The following PIK3C2B variants were observed in gnomAD, a reference collection of about 807,000 sequenced individuals.
The protein encoded by PIK3C2B is phosphatidylinositol 4-phosphate 3-kinase C2 domain-containing subunit beta.
In PIK3C2B, 83 loss-of-function variants were observed where a neutral mutation model predicts 184.3. The ratio of observed to expected loss-of-function variants is 0.45; its 90% confidence interval spans 0.38 to 0.54. The LOEUF (loss-of-function observed/expected upper bound fraction) is 0.54, where lower values mean the gene tolerates loss of function less well. Among genes scored for constraint, PIK3C2B ranks in the 20% least tolerant of loss-of-function variants. PIK3C2B has a pLI of 0.00. For missense variants in PIK3C2B, 1,736 were observed against 2,113.5 expected, an observed-to-expected ratio of 0.82 and a Z score of 3.50; for synonymous variants, 779 against 837.6, an observed-to-expected ratio of 0.93 and a Z score of 1.21.
chr1:204,425,478 C>T, intron 32 of PIK3C2B, 135 bp downstream of exon 32: 11 of 914,778 alleles, frequency 1.2e-5, no homozygotes, highest in Non-Finnish European at 1.9e-5. Context: ...AAAGCAGCTA[C>T]AGGTAACACC....
At chr1:204,464,818 C>T (rs1655618330) in intron 3 of PIK3C2B, among the ~76,000 whole-genome samples, 1 of 152,166 alleles carries the variant, frequency 6.6e-6, no homozygotes, top group Admixed American at 6.6e-5. Context: ...ATGTTTCCCA[C>T]CATTGAACAG....
chr1:204,425,002 C>T lies in PIK3C2B; in HGVS notation c.4755G>A (p.Gln1585=). The T allele has an allele frequency of 1.2e-6, 2 of 1,614,102 alleles. No individual in the cohort carries two copies. Among genetic ancestry groups the T allele is most frequent in the Non-Finnish European group, 1.7e-6 (2 of 1,179,952 alleles). The change falls in exon 33 of 33, where the codon CAG becomes CAA. Residue 1585 remains glutamine (Q), a synonymous_variant. Transcript: ENST00000684373. ...YDGIPKGDLQ[Q]RELQLSVLSE... ...TCAGCACGCTCAGCTGGAGCTCCCG[C>T]TGCTGCAGGTCACCCTTGGGGATCC...
At chr1:204,442,400 T>C (rs1675713938) in intron 20 of PIK3C2B, 126 bp downstream of exon 20, 1 of 639,874 alleles carries the variant, frequency 1.6e-6, no homozygotes. Flanking sequence ...CAAGACCACA[T>C]GGTAAGTTAG....
intron 28 of PIK3C2B, among the ~76,000 whole-genome samples, chr1:204,430,624 T>C (rs951836508): frequency 2.6e-5 from 4 of 151,802 alleles, no homozygotes; most frequent in Non-Finnish European, 5.9e-5. Context: ...ATTACAGGCA[T>C]GAGCCACCGC....
rs139122400 is a variant in PIK3C2B, at chr1:204,430,377, G to A, written c.4281-339C>T. 1.4e-3 allele frequency among the ~76,000 whole-genome samples: 204 copies of A among 149,730 alleles called. 1 individual carries two copies. The highest frequency in any genetic ancestry group is 4.7e-3 in the African/African-American group (190 of 40,614). On this transcript the variant is annotated intron_variant, in intron 28 of 32. Coordinates refer to ENST00000684373, the MANE Select transcript of PIK3C2B (RefSeq NM_001377334.1). ...TTTTTTTTTTTTGAGATGGAGTCTC[G>A]CTCTGTCACCCAGGCGGGAGTACAG... is the stretch of plus-strand genomic sequence containing the variant.
chr1:204,447,664 G>A lies in PIK3C2B; in HGVS notation c.2347-86C>T. 2 of 929,558 alleles carry A rather than the reference G, an allele frequency of 2.2e-6. No individual in the cohort carries two copies. Among genetic ancestry groups the A allele is most frequent in the East Asian group, 2.4e-5 (1 of 41,298 alleles). 57.6% of individuals were successfully genotyped at this position (929,558 alleles called of 1,614,324 possible). Reference sequence around the variant, plus strand: ...TTCTTTCTCTCACCCCAGCATTCCGGCCTTGTCCCTCCCTCACTTTCCCTC... The same window carrying A: ...TTCTTTCTCTCACCCCAGCATTCCGACCTTGTCCCTCCCTCACTTTCCCTC... On this transcript the variant is annotated intron_variant, in intron 14 of 32. Coordinates refer to ENST00000684373, the MANE Select transcript of PIK3C2B (RefSeq NM_001377334.1). The surrounding 1 kb of genome is among the most constrained non-coding windows in gnomAD (Gnocchi z 4.1).
chr1:204,427,995 T>G lies in PIK3C2B; in HGVS notation c.4480+144A>C, dbSNP rs1377754581. 6 of 642,064 alleles carry G rather than the reference T, an allele frequency of 9.3e-6. No homozygotes were observed. The African/African-American group carries it at 1.1e-4, about 12-fold the overall frequency. The allele number at this position is 642,064 out of a possible 1,614,324, so 39.8% of individuals were successfully genotyped here. A position where few individuals can be genotyped will look rare whatever the true frequency, so the allele number is the denominator to read the frequency against. ...GGAACTATGGACCCCACGGCCTGAGTGGGAAACTAGATTTCCCAGAGAGTA... is the reference window on the plus strand; with the variant it reads ...GGAACTATGGACCCCACGGCCTGAGGGGGAAACTAGATTTCCCAGAGAGTA... On this transcript the variant is annotated intron_variant, in intron 30 of 32. Transcript: ENST00000684373.
intron 1 of PIK3C2B, among the ~76,000 whole-genome samples, chr1:204,483,000 G>A (rs7554895): frequency 0.046 from 6,968 of 152,106 alleles, 355 homozygotes; most frequent in East Asian, 0.25. Context: ...CACGTACAGC[G>A]TGGTATGGAC....
rs1462881497 is a variant in PIK3C2B, at chr1:204,460,609, T to C, written c.1363A>G (p.Ile455Val). The change falls in exon 6 of 33, where the codon ATT (isoleucine) becomes GTT (valine). Residue 455 changes from isoleucine (I) to valine (V), a missense_variant. Physicochemically the swap from Ile to Val is conservative, Grantham distance 29. Around this residue, in one of 8 missense-constraint regions of PIK3C2B, gnomAD observed 609 missense variants for 699.2 expected, o/e 0.87. Transcript: ENST00000684373. ...TCCATCAGCTGTAGCCGAATGTCAATGTCAAACTTGCGGCAGTATTGGATG... is the reference window on the plus strand; with the variant it reads ...TCCATCAGCTGTAGCCGAATGTCAACGTCAAACTTGCGGCAGTATTGGATG... Reference protein sequence around the residue: ...EYIQYCRKFDIDIRLQLMEQK... With the variant: ...EYIQYCRKFDVDIRLQLMEQK... 1.9e-6 allele frequency: 3 copies of C among 1,613,984 alleles called. No individual in the cohort carries two copies. The highest frequency in any genetic ancestry group is 3.3e-5 in the Admixed American group (2 of 60,006).
chr1:204,479,442 G>A (rs140990835), intron 1 of PIK3C2B, among the ~76,000 whole-genome samples: 1 of 152,048 alleles, frequency 6.6e-6, no homozygotes, highest in African/African-American at 2.4e-5. Flanking sequence ...GACCACCGAG[G>A]GAACTTCTTT....
chr1:204,426,618 T>A (rs1162590697), intron 31 of PIK3C2B, among the ~76,000 whole-genome samples: 1 of 152,234 alleles, frequency 6.6e-6, no homozygotes, highest in African/African-American at 2.4e-5. Flanking sequence ...ATTTTACTTA[T>A]CTGCCTGTGT....
rs1558228612 is a variant in PIK3C2B at position 204,428,239 on chromosome 1, CAG to C, written c.4399-21_4399-20del. 2 of 1,516,816 alleles carry C rather than the reference CAG, an allele frequency of 1.3e-6. No individual in the cohort carries two copies. The highest frequency in any genetic ancestry group is 1.4e-5 in the African/African-American group (1 of 73,014). The allele number at this position is 1,516,816 out of a possible 1,614,324, so 94.0% of individuals were successfully genotyped here. A position where few individuals can be genotyped will look rare whatever the true frequency, so the allele number is the denominator to read the frequency against. ...AATCACACTGGAACAGAATCAGAAA[CAG>C]GGCCATTCTTCAATAAGACAATGGC... On this transcript the variant is annotated intron_variant, in intron 29 of 32. Transcript: ENST00000684373.
At chr1:204,479,402 C>G (rs1656956388) in intron 1 of PIK3C2B, among the ~76,000 whole-genome samples, 1 of 152,128 alleles carries the variant, frequency 6.6e-6, no homozygotes, top group African/African-American at 2.4e-5. Flanking sequence ...GGATGACCTC[C>G]CCTGACCAAC....
chr1:204,426,010 G>A (rs1006578638), intron 31 of PIK3C2B, among the ~76,000 whole-genome samples: 3 of 152,190 alleles, frequency 2.0e-5, no homozygotes, highest in Non-Finnish European at 2.9e-5. Flanking sequence ...CCCATAATGT[G>A]CTCTGTTTTG....
chr1:204,458,496 T>G (rs1485494357), intron 8 of PIK3C2B, among the ~76,000 whole-genome samples: 1 of 140,284 alleles, frequency 7.1e-6, no homozygotes, highest in Non-Finnish European at 1.5e-5. Context: ...CTATGACAAT[T>G]TTTTTTTTTT....
intron 1 of PIK3C2B, among the ~76,000 whole-genome samples, chr1:204,479,139 T>A (rs1319134704): frequency 1.3e-5 from 2 of 152,182 alleles, no homozygotes; most frequent in African/African-American, 4.8e-5. Context: ...ATCAACTGAA[T>A]GGAACATTTG....
chr1:204,454,314 C>G (rs1245205007), intron 12 of PIK3C2B, among the ~76,000 whole-genome samples: 1 of 151,474 alleles, frequency 6.6e-6, no homozygotes, highest in African/African-American at 2.4e-5. Context: ...AACCCCATCT[C>G]TGCTAAAAAT....
At chr1:204,477,465 CAA>C (rs1656799499) in intron 1 of PIK3C2B, among the ~76,000 whole-genome samples, 1 of 152,222 alleles carries the variant, frequency 6.6e-6, no homozygotes. Context: ...CACCAGGCAC[CAA>C]ACTCAGTCTC....
At position 204,469,434 on chromosome 1, in the gene PIK3C2B, C is replaced by T. The variant is rs753892124; in HGVS notation, c.369G>A (p.Leu123=). 6.4e-7 allele frequency: 1 copy of T among 1,569,322 alleles called. No homozygotes were observed. Among genetic ancestry groups the T allele is most frequent in the Non-Finnish European group, 8.6e-7 (1 of 1,162,484 alleles). Residue 123 remains leucine (L), a synonymous_variant, in exon 2 of 33, where the codon CTG becomes CTA. Coordinates refer to ENST00000684373, the MANE Select transcript of PIK3C2B (RefSeq NM_001377334.1). ...PGSDPWPKGS[L]SGDYLYIFDG... ...CAAAAATGTAGAGATAGTCTCCAGA[C>T]AGGGAGCCTTTGGGCCAGGGATCTG... is the stretch of plus-strand genomic sequence containing the variant.
Sources: gnomAD v4.1 joint callset for allele counts (sites outside exome capture counted in the v4.1 genomes callset) on GRCh38, gnomAD v4.1.1 for gene constraint, gnomAD v4.1.1 regional missense constraint, Gnocchi (gnomAD v3.1) non-coding constraint, MANE v1.5 for transcripts, NCBI Gene and HGNC (gene_info 2026-07-23, HGNC 2026-07-21) for gene names.